The following HYCC1 variants were observed in gnomAD, a reference collection of about 807,000 sequenced individuals.
HYCC1 encodes the protein hyccin PI4KA lipid kinase complex subunit 1.
the HYCC1 span, among the ~76,000 whole-genome samples, chr7:22,933,500 A>G: frequency 6.6e-6 from 1 of 151,854 alleles, no homozygotes; most frequent in Non-Finnish European, 1.5e-5. Context: ...CCTCTCTTAG[A>G]TGGTTGCTGT....
the HYCC1 span, among the ~76,000 whole-genome samples, chr7:22,952,525 G>C: frequency 1.3e-5 from 2 of 151,988 alleles, no homozygotes; most frequent in Non-Finnish European, 2.9e-5. Context: ...TTAAAGTGAG[G>C]TCAAAGCAGT....
the HYCC1 span, among the ~76,000 whole-genome samples, chr7:22,995,234 T>C: frequency 6.6e-6 from 1 of 152,132 alleles, no homozygotes; most frequent in African/African-American, 2.4e-5. Flanking sequence ...ATCACCATCA[T>C]CTATCAATCA....
chr7:22,911,272 G>A, the HYCC1 span, among the ~76,000 whole-genome samples: 4 of 152,136 alleles, frequency 2.6e-5, no homozygotes, highest in East Asian at 7.7e-4. Flanking sequence ...GTTTTGTTTT[G>A]GCTCATTTGT....
At chr7:22,947,180 T>C in the HYCC1 span, 1 of 1,550,240 alleles carries the variant, frequency 6.5e-7, no homozygotes, top group Non-Finnish European at 8.7e-7. Flanking sequence ...CGGCCACATT[T>C]GTGACACTAA....
At chr7:23,010,585 G>A in the HYCC1 span, among the ~76,000 whole-genome samples, 2 of 152,130 alleles carry the variant, frequency 1.3e-5, no homozygotes, top group Admixed American at 1.3e-4. Flanking sequence ...TTATGGTGAT[G>A]GTTTTGCAGG....
At chr7:22,972,211 T>C in the HYCC1 span, among the ~76,000 whole-genome samples, 1 of 152,156 alleles carries the variant, frequency 6.6e-6, no homozygotes, top group Non-Finnish European at 1.5e-5. Context: ...AAGTGCTTTA[T>C]ATTTATATAA....
chr7:22,925,720 AG>A, the HYCC1 span, among the ~76,000 whole-genome samples: 1 of 152,390 alleles, frequency 6.6e-6, no homozygotes, highest in South Asian at 2.1e-4. Flanking sequence ...TGTATCTAAA[AG>A]TGATGGGGAG....
the HYCC1 span, among the ~76,000 whole-genome samples, chr7:22,956,268 C>T: frequency 1.3e-5 from 2 of 151,742 alleles, no homozygotes; most frequent in East Asian, 3.9e-4. Context: ...ACACAATACG[C>T]ATAAAAGAAT....
the HYCC1 span, among the ~76,000 whole-genome samples, chr7:22,906,577 C>CAA: frequency 0.12 from 14,291 of 118,928 alleles, 842 homozygotes; most frequent in South Asian, 0.17. Context: ...GACTCGGTCT[C>CAA]AAAAAAAAAA....
At chr7:22,959,474 G>C in the HYCC1 span, among the ~76,000 whole-genome samples, 8 of 152,150 alleles carry the variant, frequency 5.3e-5, no homozygotes, top group African/African-American at 1.7e-4. Flanking sequence ...ATACACGTTT[G>C]CTTAGGGTAA....
At chr7:22,984,988 G>A in the HYCC1 span, among the ~76,000 whole-genome samples, 1 of 152,078 alleles carries the variant, frequency 6.6e-6, no homozygotes, top group Non-Finnish European at 1.5e-5. Flanking sequence ...AAAAGAGTAG[G>A]GAAATCTGAA....
At chr7:22,902,939 T>A in the HYCC1 span, among the ~76,000 whole-genome samples, 1 of 152,120 alleles carries the variant, frequency 6.6e-6, no homozygotes, top group South Asian at 2.1e-4. Flanking sequence ...AAGGAAGGTA[T>A]ACAAATGACC....
chr7:22,905,513 G>C, the HYCC1 span, among the ~76,000 whole-genome samples: 3 of 149,680 alleles, frequency 2.0e-5, no homozygotes, highest in African/African-American at 7.4e-5. Flanking sequence ...GAGATTACAG[G>C]CATGAGCCAC....
At chr7:22,969,862 T>G in the HYCC1 span, among the ~76,000 whole-genome samples, 1 of 152,096 alleles carries the variant, frequency 6.6e-6, no homozygotes, top group Non-Finnish European at 1.5e-5. Context: ...TATCAGTTGG[T>G]TGCCATAGGA....
the HYCC1 span, among the ~76,000 whole-genome samples, chr7:22,962,965 C>G: frequency 6.6e-6 from 1 of 152,032 alleles, no homozygotes; most frequent in Non-Finnish European, 1.5e-5. Flanking sequence ...ACCTAAGTAC[C>G]AGGTAGCACT....
chr7:22,981,117 C>G, the HYCC1 span, among the ~76,000 whole-genome samples: 16 of 152,178 alleles, frequency 1.1e-4, no homozygotes, highest in Admixed American at 9.2e-4. Context: ...ATAGCTTTAT[C>G]ACTAACTGAC....
the HYCC1 span, among the ~76,000 whole-genome samples, chr7:22,959,724 CAAG>C: frequency 6.6e-6 from 1 of 151,844 alleles, no homozygotes; most frequent in Non-Finnish European, 1.5e-5. Flanking sequence ...ATGAAGCAGA[CAAG>C]AAGGGATATA....
the HYCC1 span, among the ~76,000 whole-genome samples, chr7:22,948,962 T>C: frequency 6.6e-6 from 1 of 151,956 alleles, no homozygotes; most frequent in African/African-American, 2.4e-5. Flanking sequence ...GCAACTGAGA[T>C]AAAATCGCCA....
chr7:22,994,720 G>C, the HYCC1 span, among the ~76,000 whole-genome samples: 1 of 152,000 alleles, frequency 6.6e-6, no homozygotes, highest in South Asian at 2.1e-4. Flanking sequence ...GAACTCAAAA[G>C]GGAGTCTATG....
Sources: gnomAD v4.1 joint callset for allele counts (sites outside exome capture counted in the v4.1 genomes callset) on GRCh38, gnomAD v4.1.1 for gene constraint, MANE v1.5 for transcripts, NCBI Gene and HGNC (gene_info 2026-07-23, HGNC 2026-07-21) for gene names.